The following HPCAL1 variants were observed in gnomAD, a reference collection of about 807,000 sequenced individuals.
HPCAL1 encodes the protein hippocalcin like 1.
Under a neutral mutation model 17.1 loss-of-function variants are expected in HPCAL1, and 8 were observed. That is an observed-to-expected ratio of 0.47 (90% CI 0.27 to 0.84). HPCAL1 has a LOEUF of 0.84. HPCAL1 is among the 40% of genes least tolerant of loss of function. The pLI is 0.13. For synonymous variants in HPCAL1, 112 were observed against 111.4 expected, an observed-to-expected ratio of 1.01 and a Z score of -0.03; for missense variants, 165 against 271.1, an observed-to-expected ratio of 0.61 and a Z score of 2.75.
intron 4 of HPCAL1, chr2:10,424,433 A>G (rs1243888010): frequency 2.2e-6 from 1 of 462,396 alleles, no homozygotes; most frequent in African/African-American, 2.0e-5. Context: ...ATCCGGTCCC[A>G]TGGGGTTGTG....
At position 10,330,964 on chromosome 2, in the gene HPCAL1, G is replaced by A. The variant is rs1034552882; in HGVS notation, c.-111+27787G>A. 1.3e-5 allele frequency among the ~76,000 whole-genome samples: 2 copies of A among 152,164 alleles called. No homozygotes were observed. The highest frequency in any genetic ancestry group is 1.9e-4 in the East Asian group (1 of 5,184). On this transcript the variant is annotated intron_variant, in intron 1 of 4. Coordinates refer to ENST00000307845, the MANE Select transcript of HPCAL1 (RefSeq NM_002149.4). This position sits in a 1 kb window ranked among gnomAD's most constrained non-coding sequence, Gnocchi z 4.2. ...ACCCCTGCATTCGGAGAGCCTTAGCGGGAAGCCTGTTGCTTGTGCCTCCTT... is the reference window on the plus strand; with the variant it reads ...ACCCCTGCATTCGGAGAGCCTTAGCAGGAAGCCTGTTGCTTGTGCCTCCTT...
intron 1 of HPCAL1, among the ~76,000 whole-genome samples, chr2:10,348,179 G>A (rs754226467): frequency 1.8e-4 from 27 of 152,310 alleles, no homozygotes; most frequent in Middle Eastern, 3.4e-3. Context: ...CCCGGGCACA[G>A]TGGCTCATGC....
At position 10,384,029 on chromosome 2, in the gene HPCAL1, C is replaced by CCCACACA. The variant is rs33913609; in HGVS notation, c.-110-12805_-110-12804insCACACAC. On this transcript the variant is annotated intron_variant, in intron 1 of 4. Transcript: ENST00000307845. The surrounding 1 kb of genome is among the most constrained non-coding windows in gnomAD (Gnocchi z 4.4). ...ATATACATCGCGTACACACACACAC[C>CCCACACA]CACACACACACACACCTTTTGCTGG... is the stretch of plus-strand genomic sequence containing the variant. Among the ~76,000 whole-genome samples the CCCACACA allele has an allele frequency of 3.3e-4, 49 of 149,976 alleles. No homozygotes were observed. The highest frequency in any genetic ancestry group is 1.2e-3 in the African/African-American group (48 of 40,768).
intron 2 of HPCAL1, among the ~76,000 whole-genome samples, chr2:10,404,657 C>CG (rs1669864667): frequency 6.6e-6 from 1 of 152,194 alleles, no homozygotes; most frequent in Non-Finnish European, 1.5e-5. Context: ...GCCCCAGGGT[C>CG]GGGCAGTTCT....
rs1167418915 is a variant in HPCAL1 at position 10,310,183 on chromosome 2, T to A, written c.-111+7006T>A. On this transcript the variant is annotated intron_variant, in intron 1 of 4. Transcript: ENST00000307845. This position sits in a 1 kb window ranked among gnomAD's most constrained non-coding sequence, Gnocchi z 4.5. ...GGCAGACTGGGTTTGAACTGTAGTC[T>A]TTGCTCTGTTTACTGGCTGGTGATG... 6.6e-6 allele frequency among the ~76,000 whole-genome samples: 1 copy of A among 152,106 alleles called. No homozygotes were observed. Among genetic ancestry groups the A allele is most frequent in the East Asian group, 1.9e-4 (1 of 5,188 alleles).
intron 1 of HPCAL1, among the ~76,000 whole-genome samples, chr2:10,357,353 C>T (rs1666221649): frequency 6.6e-6 from 1 of 152,196 alleles, no homozygotes; most frequent in Non-Finnish European, 1.5e-5. Context: ...GTGCTTTCCC[C>T]GTGTTCTTCT....
chr2:10,409,005 C>T (rs1670155246), intron 2 of HPCAL1, among the ~76,000 whole-genome samples: 1 of 152,118 alleles, frequency 6.6e-6, no homozygotes, highest in Admixed American at 6.5e-5. Context: ...TTGATTTAAA[C>T]CGTTAGATCC....
At chr2:10,382,648 G>C (rs1311287021) in intron 1 of HPCAL1, among the ~76,000 whole-genome samples, 2 of 151,206 alleles carry the variant, frequency 1.3e-5, no homozygotes, top group Non-Finnish European at 2.9e-5. Flanking sequence ...TGCGTGGAGG[G>C]CCACGCATCC....
At chr2:10,321,363 A>G (rs908705693) in intron 1 of HPCAL1, among the ~76,000 whole-genome samples, 3 of 151,900 alleles carry the variant, frequency 2.0e-5, no homozygotes, top group African/African-American at 7.3e-5. Context: ...GGGGATTACA[A>G]TTCAACATGA....
chr2:10,397,896 C>G (rs1669161420), intron 2 of HPCAL1, among the ~76,000 whole-genome samples: 1 of 152,220 alleles, frequency 6.6e-6, no homozygotes, highest in African/African-American at 2.4e-5. Flanking sequence ...TGTGCCTCTT[C>G]ACAGCCCCTT....
intron 1 of HPCAL1, among the ~76,000 whole-genome samples, chr2:10,366,231 G>A (rs1440350952): frequency 6.6e-6 from 1 of 152,078 alleles, no homozygotes; most frequent in Non-Finnish European, 1.5e-5. Context: ...GCTTTATTTT[G>A]TTTTATTATT....
chr2:10,381,683 G>A (rs1667951718), intron 1 of HPCAL1, among the ~76,000 whole-genome samples: 1 of 152,162 alleles, frequency 6.6e-6, no homozygotes, highest in Non-Finnish European at 1.5e-5. Context: ...TTAAAGTAAT[G>A]TGGCTTAAAA....
Position 10,384,654 on chromosome 2 carries a change from C to T in HPCAL1, c.-110-12181C>T, listed in dbSNP as rs10198351. On this transcript the variant is annotated intron_variant, in intron 1 of 4. Coordinates refer to ENST00000307845, the MANE Select transcript of HPCAL1 (RefSeq NM_002149.4). The surrounding 1 kb of genome is among the most constrained non-coding windows in gnomAD (Gnocchi z 4.4). ...TTTCAGGGGCTTCCCTAGGGAGGGACCCTGAGCTGGGGTCTGAAGGAAGAG... is the reference window on the plus strand; with the variant it reads ...TTTCAGGGGCTTCCCTAGGGAGGGATCCTGAGCTGGGGTCTGAAGGAAGAG... 0.54 allele frequency among the ~76,000 whole-genome samples: 81,328 copies of T among 151,808 alleles called. 22,244 individuals carry two copies. The highest frequency in any genetic ancestry group is 0.62 in the Middle Eastern group (182 of 292).
intron 2 of HPCAL1, among the ~76,000 whole-genome samples, chr2:10,399,005 A>G (rs938287461): frequency 3.3e-5 from 5 of 151,866 alleles, no homozygotes; most frequent in Non-Finnish European, 5.9e-5. Flanking sequence ...CCTGCATACA[A>G]ATGTCCTGGC....
chr2:10,357,157 T>C (rs1396113207), intron 1 of HPCAL1, among the ~76,000 whole-genome samples: 1 of 152,134 alleles, frequency 6.6e-6, no homozygotes, highest in African/African-American at 2.4e-5. Context: ...CGTAGGAGCC[T>C]TCCGTTCCTC....
intron 1 of HPCAL1, among the ~76,000 whole-genome samples, chr2:10,346,206 G>A (rs1665434291): frequency 6.6e-6 from 1 of 152,178 alleles, no homozygotes; most frequent in South Asian, 2.1e-4. Flanking sequence ...TTCTTTGAGG[G>A]GGGGTGACGG....
chr2:10,411,269 A>G (rs1002239650), intron 2 of HPCAL1, among the ~76,000 whole-genome samples: 1 of 152,174 alleles, frequency 6.6e-6, no homozygotes, highest in South Asian at 2.1e-4. Flanking sequence ...AGAGGAGGTT[A>G]CAGGACAATG....
chr2:10,334,529 A>G (rs879273778), intron 1 of HPCAL1, among the ~76,000 whole-genome samples: 3 of 150,996 alleles, frequency 2.0e-5, no homozygotes, highest in Non-Finnish European at 4.4e-5. Flanking sequence ...AAAAGAAAAG[A>G]AAACAGAAAG....
In HPCAL1 at chr2:10,355,408, G is replaced by A. The variant is rs865815538; in HGVS notation, c.-110-41427G>A. Reference sequence around the variant, plus strand: ...GGAGCTTGCAGTGAGCCGAGATCCCGCCACTGCACTCCAGCCTGGGCGACA... The same window carrying A: ...GGAGCTTGCAGTGAGCCGAGATCCCACCACTGCACTCCAGCCTGGGCGACA... On this transcript the variant is annotated intron_variant, in intron 1 of 4. Transcript: ENST00000307845. 7.6e-4 allele frequency among the ~76,000 whole-genome samples: 85 copies of A among 111,584 alleles called. 1 individual carries two copies. Among genetic ancestry groups the A allele is most frequent in the African/African-American group, 2.4e-3 (70 of 28,626 alleles). 73.2% of individuals were successfully genotyped at this position (111,584 alleles called of 152,430 possible).
Sources: gnomAD v4.1 joint callset for allele counts (sites outside exome capture counted in the v4.1 genomes callset) on GRCh38, gnomAD v4.1.1 for gene constraint, Gnocchi (gnomAD v3.1) non-coding constraint, MANE v1.5 for transcripts, NCBI Gene and HGNC (gene_info 2026-07-23, HGNC 2026-07-21) for gene names.